DGKB: variants seen among roughly 807,000 people sequenced by gnomAD.
DGKB encodes 90 kDa diacylglycerol kinase.
In DGKB, 67 loss-of-function variants were observed where a neutral mutation model predicts 114.3. That is an observed-to-expected ratio of 0.59 (90% CI 0.48 to 0.72). The LOEUF is 0.72. Among genes scored for constraint, DGKB ranks in the 30% least tolerant of loss-of-function variants. DGKB has a pLI of 0.00. For synonymous variants in DGKB, 398 were observed against 323.1 expected (o/e 1.23, Z -2.49); for missense variants, 907 against 975.2 (o/e 0.93, Z 0.93).
chr7:14,551,177 C>A (rs1490032512), intron 20 of DGKB, among the ~76,000 whole-genome samples: 1 of 152,110 alleles, frequency 6.6e-6, no homozygotes, highest in Admixed American at 6.5e-5. Flanking sequence ...GATATTAAAT[C>A]ACAACCATGC....
intron 23 of DGKB, among the ~76,000 whole-genome samples, chr7:14,251,156 C>G (rs948511709): frequency 1.3e-5 from 2 of 152,044 alleles, no homozygotes; most frequent in African/African-American, 4.8e-5. Flanking sequence ...GACAGGACTT[C>G]CCACTGTTAT....
chr7:14,737,499 C>A (rs1156454481), intron 4 of DGKB, among the ~76,000 whole-genome samples: 1 of 151,440 alleles, frequency 6.6e-6, no homozygotes, highest in East Asian at 1.9e-4. Flanking sequence ...TGGGACAAAC[C>A]TAATATTAAA....
chr7:14,283,214 C>T (rs1800273576), intron 23 of DGKB, among the ~76,000 whole-genome samples: 1 of 151,508 alleles, frequency 6.6e-6, no homozygotes, highest in African/African-American at 2.4e-5. Context: ...TCCTATACAC[C>T]AACCACAGAC....
chr7:14,424,709 A>G lies in DGKB; in HGVS notation c.1835+53452T>C, dbSNP rs1051703394. ...TCAGTCCTTGTTCTCCATGAACTGCATAATCCCATTTATGCTTCAAAACTC... is the reference window on the plus strand; with the variant it reads ...TCAGTCCTTGTTCTCCATGAACTGCGTAATCCCATTTATGCTTCAAAACTC... On this transcript the variant is annotated intron_variant, in intron 21 of 25. Transcript: ENST00000402815. Among the ~76,000 whole-genome samples, 26 of 152,252 alleles carry G rather than the reference A, an allele frequency of 1.7e-4. No homozygotes were observed. In the East Asian group the frequency reaches 5.0e-3, roughly 29 times the overall value.
chr7:14,583,819 G>A (rs1800314403), intron 17 of DGKB, among the ~76,000 whole-genome samples: 1 of 151,978 alleles, frequency 6.6e-6, no homozygotes, highest in Non-Finnish European at 1.5e-5. Context: ...ACCTACCTTG[G>A]GAAAAGTCAC....
At position 14,939,625 on chromosome 7, in the gene DGKB, T is replaced by A. The variant is rs559529291; in HGVS notation, c.-188+35071A>T. On this transcript the variant is annotated intron_variant, in intron 1 of 4. Transcript: ENST00000437998. ...TGCTATCATGAAAATATAATACTTTTTTTTTTTTTTTTTTTTTTTTTTGAG... is the reference window on the plus strand; with the variant it reads ...TGCTATCATGAAAATATAATACTTTATTTTTTTTTTTTTTTTTTTTTTGAG... 7.8e-4 allele frequency among the ~76,000 whole-genome samples: 103 copies of A among 131,928 alleles called. 1 individual carries two copies. The highest frequency in any genetic ancestry group is 3.1e-3 in the African/African-American group (98 of 32,018). 86.5% of individuals were successfully genotyped at this position (131,928 alleles called of 152,430 possible).
intron 25 of DGKB, among the ~76,000 whole-genome samples, chr7:14,154,804 A>G (rs936950006): frequency 1.3e-5 from 2 of 151,720 alleles, no homozygotes; most frequent in African/African-American, 4.8e-5. Context: ...CACAGAAAAA[A>G]GGACACAGGA....
intron 19 of DGKB, among the ~76,000 whole-genome samples, chr7:14,576,199 T>C (rs1489047091): frequency 6.6e-6 from 1 of 152,178 alleles, no homozygotes; most frequent in Non-Finnish European, 1.5e-5. Flanking sequence ...TACAGTATAA[T>C]TTGAAGCTGT....
chr7:14,379,856 CCT>C (rs1819141738), intron 21 of DGKB, among the ~76,000 whole-genome samples: 3 of 147,208 alleles, frequency 2.0e-5, no homozygotes, highest in African/African-American at 7.5e-5. Flanking sequence ...GCGGGCCCGG[CCT>C]TAAGCAGTTG....
intron 21 of DGKB, among the ~76,000 whole-genome samples, chr7:14,412,814 T>A (rs1431235462): frequency 2.0e-5 from 3 of 151,982 alleles, no homozygotes; most frequent in Admixed American, 6.6e-5. Context: ...AAACCCCATC[T>A]CTACTAAAAG....
chr7:14,719,900 T>C (rs1368382282), intron 5 of DGKB, among the ~76,000 whole-genome samples: 1 of 152,168 alleles, frequency 6.6e-6, no homozygotes, highest in Non-Finnish European at 1.5e-5. Context: ...ACGTGAACGC[T>C]GTGAGGTAGA....
chr7:14,450,341 A>G (rs1283221145), intron 21 of DGKB, among the ~76,000 whole-genome samples: 2 of 152,134 alleles, frequency 1.3e-5, no homozygotes, highest in Non-Finnish European at 2.9e-5. Flanking sequence ...TAAATGATAA[A>G]GCGTTTTTCT....
intron 20 of DGKB, among the ~76,000 whole-genome samples, chr7:14,527,919 C>T (rs1172737251): frequency 6.6e-6 from 1 of 151,986 alleles, no homozygotes; most frequent in Non-Finnish European, 1.5e-5. Flanking sequence ...GTGCCGAGTA[C>T]TGGCACTAAA....
In DGKB at chr7:14,178,236, A is replaced by G. The variant is rs1373662687; in HGVS notation, c.2123-85T>C. On this transcript the variant is annotated intron_variant, in intron 23 of 25. Transcript: ENST00000402815. The stretch of plus-strand genomic sequence containing the variant: ...GCCATTTGATATTATGGAGATTAAA[A>G]AAAATAACAGCCACTTCACAAAGAA... 14 of 1,392,072 alleles carry G rather than the reference A, an allele frequency of 1.0e-5. No individual in the cohort carries two copies. The East Asian group carries it at 3.1e-4, about 31-fold the overall frequency. The allele number at this position is 1,392,072 out of a possible 1,614,324, so 86.2% of individuals were successfully genotyped here. A position where few individuals can be genotyped will look rare whatever the true frequency, so the allele number is the denominator to read the frequency against.
At chr7:14,594,503 G>A (rs1228796187) in intron 17 of DGKB, among the ~76,000 whole-genome samples, 1 of 152,042 alleles carries the variant, frequency 6.6e-6, no homozygotes, top group Non-Finnish European at 1.5e-5. Context: ...CAGTCTTCCT[G>A]ATATTTGAAA....
At chr7:14,571,788 C>T (rs2128704235) in intron 20 of DGKB, among the ~76,000 whole-genome samples, 1 of 152,282 alleles carries the variant, frequency 6.6e-6, no homozygotes, top group African/African-American at 2.4e-5. Context: ...GAAAAGAAGA[C>T]TTACTGGCTC....
rs535667835 is a variant in DGKB at position 14,958,565 on chromosome 7, A to G, written c.-188+16131T>C. Among the ~76,000 whole-genome samples the G allele has an allele frequency of 6.6e-5, 10 of 152,064 alleles. No individual in the cohort carries two copies. In the South Asian group the frequency reaches 1.4e-3, roughly 22 times the overall value. The stretch of plus-strand genomic sequence containing the variant: ...CTCTTTCAATATTCTTCCTTTAATT[A>G]TTGGCTTTATGACCAAATGTCCCAA... On this transcript the variant is annotated intron_variant, in intron 1 of 4. Transcript: ENST00000437998.
chr7:14,668,378 A>T (rs1818401752), intron 13 of DGKB, among the ~76,000 whole-genome samples: 1 of 152,134 alleles, frequency 6.6e-6, no homozygotes, highest in Admixed American at 6.6e-5. Flanking sequence ...GCTGAGATAC[A>T]ACAGATAAAA....
At chr7:14,412,543 C>T (rs2128747425) in intron 21 of DGKB, among the ~76,000 whole-genome samples, 1 of 152,206 alleles carries the variant, frequency 6.6e-6, no homozygotes, top group African/African-American at 2.4e-5. Flanking sequence ...GCCTGAGGCT[C>T]AGGGAGTCTG....
Sources: gnomAD v4.1 joint callset for allele counts (sites outside exome capture counted in the v4.1 genomes callset) on GRCh38, gnomAD v4.1.1 for gene constraint, MANE v1.5 for transcripts, NCBI Gene and HGNC (gene_info 2026-07-23, HGNC 2026-07-21) for gene names.